The following ROR1 variants were observed in gnomAD, a reference collection of about 807,000 sequenced individuals.
ROR1 encodes the protein ROR family WNT receptor 1.
In ROR1, 19 loss-of-function variants were observed where a neutral mutation model predicts 78.8. That is an observed-to-expected ratio of 0.24 (90% CI 0.17 to 0.35). The LOEUF (loss-of-function observed/expected upper bound fraction) is 0.35, where lower values mean the gene tolerates loss of function less well. ROR1 is among the 10% of genes least tolerant of loss of function. ROR1 has a pLI of 1.00. For synonymous variants in ROR1, 386 were observed against 433.6 expected (o/e 0.89, Z 1.36); for missense variants, 917 against 1,177.8 (o/e 0.78, Z 3.24).
chr1:63,896,625 T>C (rs2100396595), intron 1 of ROR1, among the ~76,000 whole-genome samples: 2 of 152,278 alleles, frequency 1.3e-5, no homozygotes, highest in African/African-American at 4.8e-5. Flanking sequence ...GCACCGGAAA[T>C]GACTGGCAGG....
chr1:64,016,384 A>G (rs1016276593), intron 2 of ROR1, among the ~76,000 whole-genome samples: 2 of 152,216 alleles, frequency 1.3e-5, no homozygotes, highest in East Asian at 1.9e-4. Context: ...CATTGATTAC[A>G]TGTTGAAATG....
intron 4 of ROR1, among the ~76,000 whole-genome samples, chr1:64,088,982 T>C (rs975776514): frequency 6.6e-6 from 1 of 152,168 alleles, no homozygotes; most frequent in South Asian, 2.1e-4. Flanking sequence ...ACACAGTGAT[T>C]TTTTTAAGAA....
At chr1:64,028,708 G>C (rs1411818687) in intron 2 of ROR1, among the ~76,000 whole-genome samples, 1 of 152,124 alleles carries the variant, frequency 6.6e-6, no homozygotes, top group African/African-American at 2.4e-5. Context: ...GAGATATTTT[G>C]GTACAGGTGT....
rs563016509 is a variant in ROR1 at position 64,009,482 on chromosome 1, G to C, written c.163+106G>C. ...CAACTGTTTTTCAGATCACTGCAAGGAGGTGGGGGCCAAAATAAATCCCCA... is the reference window on the plus strand; with the variant it reads ...CAACTGTTTTTCAGATCACTGCAAGCAGGTGGGGGCCAAAATAAATCCCCA... On this transcript the variant is annotated intron_variant, in intron 2 of 8. Transcript: ENST00000371079. 26 of 799,576 alleles carry C rather than the reference G, an allele frequency of 3.3e-5. No homozygotes were observed. The African/African-American group carries it at 3.6e-4, about 11-fold the overall frequency. The allele number at this position is 799,576 out of a possible 1,614,324, so 49.5% of individuals were successfully genotyped here.
chr1:64,125,635 C>G (rs1272012527), intron 4 of ROR1, among the ~76,000 whole-genome samples: 3 of 152,124 alleles, frequency 2.0e-5, no homozygotes, highest in Non-Finnish European at 4.4e-5. Flanking sequence ...AGCCATGAGC[C>G]TGCCTTGGAC....
At chr1:64,031,527 T>C (rs1569581928) in intron 2 of ROR1, among the ~76,000 whole-genome samples, 2 of 152,214 alleles carry the variant, frequency 1.3e-5, no homozygotes, top group East Asian at 1.9e-4. Context: ...TTGTTCTTTT[T>C]CCCAAAGCCA....
At chr1:63,965,076 G>T (rs967255503) in intron 1 of ROR1, among the ~76,000 whole-genome samples, 1 of 152,102 alleles carries the variant, frequency 6.6e-6, no homozygotes, top group Non-Finnish European at 1.5e-5. Context: ...TTTAAATATG[G>T]CATGCACTTT....
At chr1:64,079,540 C>T (rs929194473) in intron 4 of ROR1, among the ~76,000 whole-genome samples, 45 of 151,026 alleles carry the variant, frequency 3.0e-4, no homozygotes, top group African/African-American at 9.5e-4. Flanking sequence ...GGCGCAGTCT[C>T]GGCTCACTGC....
At chr1:63,801,727 G>T (rs898714712) in intron 1 of ROR1, among the ~76,000 whole-genome samples, 1 of 152,110 alleles carries the variant, frequency 6.6e-6, no homozygotes, top group Admixed American at 6.5e-5. Context: ...TAATGAAAAA[G>T]GTTAGTTAAA....
At chr1:63,998,484 T>G (rs1646356548) in intron 1 of ROR1, among the ~76,000 whole-genome samples, 1 of 152,136 alleles carries the variant, frequency 6.6e-6, no homozygotes. Flanking sequence ...GAGATGCAAT[T>G]TGTGCATCAA....
chr1:64,002,565 A>G (rs1278309160), intron 1 of ROR1, among the ~76,000 whole-genome samples: 2 of 152,218 alleles, frequency 1.3e-5, no homozygotes, highest in African/African-American at 2.4e-5. Context: ...AGTTTTCAAG[A>G]ATACAGTCTA....
intron 2 of ROR1, among the ~76,000 whole-genome samples, chr1:64,025,004 A>G (rs1450960575): frequency 6.6e-6 from 1 of 152,192 alleles, no homozygotes; most frequent in African/African-American, 2.4e-5. Context: ...ATATTTTAAC[A>G]TGGAAAAATT....
chr1:63,774,652 GCCGCCAGGCCAGGGTTTGCCCCGGAGCC>G lies in ROR1; in HGVS notation c.91+177_91+204del, dbSNP rs1246708566. ...GCCACCCGCCACGGGGCTCGCCGGCGCCGCCAGGCCAGGGTTTGCCCCGGAGCCCCGCCAGGCCAGGGTTTGCCCCGGA... is the reference window on the plus strand; with the variant it reads ...GCCACCCGCCACGGGGCTCGCCGGCGCCGCCAGGCCAGGGTTTGCCCCGGA... On this transcript the variant is annotated intron_variant, in intron 1 of 8. Coordinates refer to ENST00000371079, the MANE Select transcript of ROR1 (RefSeq NM_005012.4). This position sits in a 1 kb window ranked among gnomAD's most constrained non-coding sequence, Gnocchi z 5.7. 1.1e-4 allele frequency: 33 copies of G among 293,404 alleles called. No individual in the cohort carries two copies. The highest frequency in any genetic ancestry group is 9.5e-4 in the Admixed American group (15 of 15,852). 18.2% of individuals were successfully genotyped at this position (293,404 alleles called of 1,614,324 possible). A position where few individuals can be genotyped will look rare whatever the true frequency, so the allele number is the denominator to read the frequency against.
At chr1:63,836,162 G>A (rs1278587486) in intron 1 of ROR1, among the ~76,000 whole-genome samples, 1 of 152,176 alleles carries the variant, frequency 6.6e-6, no homozygotes, top group Non-Finnish European at 1.5e-5. Context: ...CTTGCTCAAA[G>A]TTACACAACT....
intron 2 of ROR1, among the ~76,000 whole-genome samples, chr1:64,042,561 G>A (rs566631972): frequency 2.0e-5 from 3 of 152,288 alleles, no homozygotes; most frequent in South Asian, 2.1e-4. Flanking sequence ...GGGGTCATCC[G>A]ATGGTTTCGG....
At chr1:63,889,918 C>T (rs559825250) in intron 1 of ROR1, among the ~76,000 whole-genome samples, 1 of 151,786 alleles carries the variant, frequency 6.6e-6, no homozygotes, top group South Asian at 2.1e-4. Flanking sequence ...TACTAATAAA[C>T]CATGTGAAAG....
intron 1 of ROR1, among the ~76,000 whole-genome samples, chr1:63,917,171 A>G (rs1645615662): frequency 6.6e-6 from 1 of 152,184 alleles, no homozygotes; most frequent in South Asian, 2.1e-4. Context: ...GTCCCAGTTT[A>G]TAATTATACA....
intron 7 of ROR1, among the ~76,000 whole-genome samples, chr1:64,151,806 C>T (rs1557676020): frequency 6.6e-6 from 1 of 151,948 alleles, no homozygotes; most frequent in Admixed American, 6.6e-5. Flanking sequence ...ATTGCTTGAA[C>T]CCCAGAGGGG....
rs537119913 is a variant in ROR1 at position 63,861,545 on chromosome 1, G to C, written c.91+87037G>C. On this transcript the variant is annotated intron_variant, in intron 1 of 8. Transcript: ENST00000371079. ...CAGTGCCTGGTTTTGCCACAAGACA[G>C]GTCTGTAGGAAATACCACTGCCACT... 5.9e-4 allele frequency among the ~76,000 whole-genome samples: 90 copies of C among 152,306 alleles called. 1 individual carries two copies. In the South Asian group the frequency reaches 0.012, roughly 20 times the overall value.
Sources: allele counts gnomAD v4.1 joint callset (sites outside exome capture counted in the v4.1 genomes callset), GRCh38; gene constraint gnomAD v4.1.1; non-coding constraint Gnocchi (gnomAD v3.1); transcripts MANE v1.5; gene names NCBI Gene and HGNC (gene_info 2026-07-23, HGNC 2026-07-21).